The following UBR2 variants were observed in gnomAD, a reference collection of about 807,000 sequenced individuals.
UBR2 encodes E3 ubiquitin-protein ligase UBR2.
In UBR2, 92 loss-of-function variants were observed where a neutral mutation model predicts 247.9. That is an observed-to-expected ratio of 0.37 (90% CI 0.31 to 0.44). The LOEUF (loss-of-function observed/expected upper bound fraction) is 0.44, where lower values mean the gene tolerates loss of function less well. Among genes scored for constraint, UBR2 ranks in the 20% least tolerant of loss-of-function variants. The pLI is 1.00. For missense variants in UBR2, 1,613 were observed against 2,112.6 expected (o/e 0.76, Z 4.64); for synonymous variants, 672 against 693.5 (o/e 0.97, Z 0.49).
At chr6:42,608,642 C>CA (rs1349840258) in intron 7 of UBR2, among the ~76,000 whole-genome samples, 4 of 151,802 alleles carry the variant, frequency 2.6e-5, no homozygotes, top group East Asian at 1.9e-4. Context: ...GAAGAAAAAA[C>CA]AAAAAACAAA....
intron 1 of UBR2, among the ~76,000 whole-genome samples, chr6:42,566,328 T>G (rs1176638608): frequency 6.6e-6 from 1 of 152,200 alleles, no homozygotes; most frequent in Admixed American, 6.5e-5. Context: ...AAATTATTAA[T>G]TTGGACTTCA....
At position 42,640,386 on chromosome 6, in the gene UBR2, GTGTGTGTGTGTGTGTGTGTGTGTGT is replaced by G. The variant is rs1796358289; in HGVS notation, c.1920+117_1920+141del. ...TCCAGAGGAACAGAACCAGTAAGGTGTGTGTGTGTGTGTGTGTGTGTGTGTGTGTGTGTGTGTGTGTGTGTGTGTA... is the reference window on the plus strand; with the variant it reads ...TCCAGAGGAACAGAACCAGTAAGGTGGTGTGTGTGTGTGTGTGTGTGTGTA... On this transcript the variant is annotated intron_variant, in intron 16 of 46. Coordinates refer to ENST00000372901, the MANE Select transcript of UBR2 (RefSeq NM_001363705.2). 52 of 461,238 alleles carry G rather than the reference GTGTGTGTGTGTGTGTGTGTGTGTGT, an allele frequency of 1.1e-4. 3 individuals carry two copies. The highest frequency in any genetic ancestry group is 5.7e-4 in the Middle Eastern group (1 of 1,742). The allele number at this position is 461,238 out of a possible 1,614,324, so 28.6% of individuals were successfully genotyped here.
intron 1 of UBR2, among the ~76,000 whole-genome samples, 152 bp from the exon 2 acceptor site, chr6:42,573,581 AT>A (rs1791302454): frequency 6.6e-6 from 1 of 152,234 alleles, no homozygotes; most frequent in Non-Finnish European, 1.5e-5. Context: ...ATTTTAATAG[AT>A]TAAATTTCTA....
intron 20 of UBR2, among the ~76,000 whole-genome samples, chr6:42,645,240 A>G (rs1796685942): frequency 6.6e-6 from 1 of 152,160 alleles, no homozygotes; most frequent in South Asian, 2.1e-4. Flanking sequence ...AACAGCAGAA[A>G]GAGCTCTCTC....
chr6:42,620,849 G>A (rs1451533784), intron 11 of UBR2, among the ~76,000 whole-genome samples: 1 of 151,998 alleles, frequency 6.6e-6, no homozygotes, highest in African/African-American at 2.4e-5. Flanking sequence ...CTGTCACCCA[G>A]GCTGTAGTGC....
Position 42,648,075 on chromosome 6 carries a change from A to G in UBR2, c.2410-43A>G, listed in dbSNP as rs375247189. ...AAAACACAATGCTAAGAGTGCTAGT[A>G]GTTATTATTAACATGAAACACACTT... On this transcript the variant is annotated intron_variant, in intron 21 of 46. Transcript: ENST00000372901. The G allele has an allele frequency of 7.3e-6, 11 of 1,512,720 alleles. 1 individual carries two copies. Among genetic ancestry groups the G allele is most frequent in the Middle Eastern group, 1.7e-4 (1 of 5,864 alleles). The allele number at this position is 1,512,720 out of a possible 1,614,324, so 93.7% of individuals were successfully genotyped here. A position where few individuals can be genotyped will look rare whatever the true frequency, so the allele number is the denominator to read the frequency against.
chr6:42,651,964 A>G (rs1797142767), intron 23 of UBR2, 59 bp from the exon 24 acceptor site: 1 of 1,484,132 alleles, frequency 6.7e-7, no homozygotes, highest in Non-Finnish European at 9.1e-7. Flanking sequence ...ATAAAAATTA[A>G]CCAGGTGTGG....
intron 11 of UBR2, among the ~76,000 whole-genome samples, chr6:42,623,559 C>T (rs1421263068): frequency 6.6e-6 from 1 of 152,142 alleles, no homozygotes; most frequent in Non-Finnish European, 1.5e-5. Flanking sequence ...TCAAGCGATT[C>T]TTCTGCCTCA....
At chr6:42,682,988 G>A (rs1449926673) in intron 42 of UBR2, 67 bp from the exon 43 acceptor site, 3 of 1,402,824 alleles carry the variant, frequency 2.1e-6, no homozygotes, top group African/African-American at 1.5e-5. Flanking sequence ...GGCTATGGAG[G>A]GGAAAAAATT....
intron 36 of UBR2, 31 bp from the exon 37 acceptor site, chr6:42,673,760 G>GT (rs1798570300): frequency 3.2e-6 from 5 of 1,571,016 alleles, no homozygotes; most frequent in Non-Finnish European, 4.4e-6. Flanking sequence ...TTGCATTTTT[G>GT]TTTTTTGTTA....
intron 17 of UBR2, 115 bp downstream of exon 17, chr6:42,641,807 G>C: frequency 1.4e-6 from 1 of 725,398 alleles, no homozygotes; most frequent in Non-Finnish European, 2.2e-6. Context: ...AAAATTGTTT[G>C]AAAAGATTAA....
intron 13 of UBR2, among the ~76,000 whole-genome samples, chr6:42,634,805 T>G (rs573989037): frequency 6.6e-6 from 1 of 152,216 alleles, no homozygotes; most frequent in Non-Finnish European, 1.5e-5. Context: ...GGGTGTTTAT[T>G]ATAATACTAC....
chr6:42,604,303 A>G (rs1182524826), intron 5 of UBR2, among the ~76,000 whole-genome samples: 2 of 152,144 alleles, frequency 1.3e-5, no homozygotes, highest in African/African-American at 4.8e-5. Flanking sequence ...GTCTCAAACA[A>G]CCTTCTTTCT....
intron 11 of UBR2, among the ~76,000 whole-genome samples, chr6:42,618,541 G>C (rs999626881): frequency 2.6e-5 from 4 of 152,182 alleles, no homozygotes; most frequent in Non-Finnish European, 5.9e-5. Flanking sequence ...TAATGAGCTA[G>C]TATGATAGGC....
chr6:42,622,877 G>C (rs1293674264), intron 11 of UBR2, among the ~76,000 whole-genome samples: 1 of 150,934 alleles, frequency 6.6e-6, no homozygotes, highest in Non-Finnish European at 1.5e-5. Flanking sequence ...GTGATGCTCA[G>C]GCCAGTCTCA....
chr6:42,644,728 GGAA>G (rs1278673827), intron 20 of UBR2, among the ~76,000 whole-genome samples, 192 bp downstream of exon 20: 2 of 152,130 alleles, frequency 1.3e-5, no homozygotes, highest in African/African-American at 2.4e-5. Context: ...GTGGTGCTTT[GGAA>G]GAAGGAGAAA....
intron 2 of UBR2, among the ~76,000 whole-genome samples, chr6:42,591,881 G>A (rs1022565797): frequency 1.3e-5 from 2 of 152,008 alleles, no homozygotes; most frequent in South Asian, 2.1e-4. Context: ...AAATCTATGG[G>A]AAAACACACC....
intron 5 of UBR2, among the ~76,000 whole-genome samples, chr6:42,605,227 G>A (rs553780063): frequency 1.3e-4 from 20 of 152,024 alleles, no homozygotes; most frequent in Middle Eastern, 3.4e-3. Flanking sequence ...TGGAATTAGG[G>A]GCCAGATTAA....
intron 39 of UBR2, among the ~76,000 whole-genome samples, 166 bp downstream of exon 39, chr6:42,676,357 T>C (rs550787676): frequency 1.3e-5 from 2 of 152,370 alleles, no homozygotes; most frequent in East Asian, 1.9e-4. Flanking sequence ...CTTTCTCCTC[T>C]TAAAATTTCC....
Sources: allele counts gnomAD v4.1 joint callset (sites outside exome capture counted in the v4.1 genomes callset), GRCh38; gene constraint gnomAD v4.1.1; transcripts MANE v1.5; gene names NCBI Gene and HGNC (gene_info 2026-07-23, HGNC 2026-07-21).